The following ACE variants were observed in gnomAD, a reference collection of about 807,000 sequenced individuals.
The protein encoded by ACE is angiotensin-converting enzyme.
In ACE, 122 loss-of-function variants were observed where a neutral mutation model predicts 162.3. That is an observed-to-expected ratio of 0.75 (90% CI 0.65 to 0.87). ACE has a LOEUF of 0.87. Ranked by LOEUF, ACE falls within the 40% of genes least tolerant of loss-of-function variation. ACE has a pLI of 0.00. For synonymous variants in ACE, 796 were observed against 720.6 expected, an observed-to-expected ratio of 1.10 and a Z score of -1.68; for missense variants, 1,799 against 1,735.1, an observed-to-expected ratio of 1.04 and a Z score of -0.65.
In ACE at chr17:63,488,725, G is replaced by A. The variant is rs2030160089; in HGVS notation, c.2383G>A (p.Gly795Arg). Residue 795 changes from glycine to arginine, a missense_variant, in exon 16 of 25, where the codon GGG (glycine) becomes AGG (arginine). Transcript: ENST00000290866. ...ATGGGAGGGCTGGCGAGACAAGGCG[G>A]GGAGAGCCATCCTCCAGTTTTACCC... The part of the protein sequence containing the change: ...WAWEGWRDKA[G>R]RAILQFYPKY... 1 of 1,613,712 alleles carries A rather than the reference G, an allele frequency of 6.2e-7. No homozygotes were observed. Among genetic ancestry groups the A allele is most frequent in the South Asian group, 1.1e-5 (1 of 91,050 alleles).
intron 5 of ACE, 97 bp downstream of exon 5, chr17:63,480,625 C>G (rs904836892): frequency 7.6e-7 from 1 of 1,315,798 alleles, no homozygotes; most frequent in Non-Finnish European, 1.1e-6. Flanking sequence ...TGGGTTGTGA[C>G]CCTCACATCT....
At chr17:63,486,259 A>C (rs1490753519) in intron 13 of ACE, 3 of 479,212 alleles carry the variant, frequency 6.3e-6, no homozygotes, top group African/African-American at 3.9e-5. Flanking sequence ...CAGAAAGGCC[A>C]CAGAGCTAAT....
chr17:63,489,271 T>G, intron 17 of ACE, 139 bp downstream of exon 17: 2 of 1,047,376 alleles, frequency 1.9e-6, no homozygotes, highest in Admixed American at 2.3e-5. Context: ...TTGCCCAGGC[T>G]GGAGGGGGGT....
At chr17:63,485,406 A>G (rs1568040419) in intron 13 of ACE, 34 bp downstream of exon 13, 2 of 1,613,434 alleles carry the variant, frequency 1.2e-6, no homozygotes, top group Non-Finnish European at 1.7e-6. Context: ...AAACCTGAGC[A>G]TGTGCATACA....
At position 63,486,560 on chromosome 17, in the gene ACE, CAGA is replaced by C. The variant is rs1247014936; in HGVS notation, c.2067_2069del (p.Lys689del). ...CACCATCCCCCTGTGCCCTCAGCTG[CAGA>C]AGAACATGCAAATAGCCAACCACAC... On this transcript the variant is annotated inframe_deletion, in exon 14 of 25. Coordinates refer to ENST00000290866, the MANE Select transcript of ACE (RefSeq NM_000789.4). 3.1e-6 allele frequency: 5 copies of C among 1,614,162 alleles called. No individual in the cohort carries two copies. Among genetic ancestry groups the C allele is most frequent in the Non-Finnish European group, 4.2e-6 (5 of 1,180,020 alleles).
Position 63,477,962 on chromosome 17 carries a change from C to A in ACE, c.281C>A (p.Ala94Glu). 2 of 1,612,000 alleles carry A rather than the reference C, an allele frequency of 1.2e-6. No homozygotes were observed. The highest frequency in any genetic ancestry group is 1.1e-5 in the South Asian group (1 of 90,654). ...EEAALLSQEF[A>E]EAWGQKAKEL... The stretch of plus-strand genomic sequence containing the variant: ...GCAGCCCTGCTCAGCCAGGAGTTTG[C>A]GGAGGCCTGGGGCCAGAAGGCCAAG... The change falls in exon 2 of 25, where the codon GCG becomes GAG. Residue 94 changes from alanine to glutamate, a missense_variant. Physicochemically the swap from Ala to Glu is moderately radical, Grantham distance 107 (BLOSUM62 -1). Transcript: ENST00000290866.
intron 6 of ACE, 125 bp downstream of exon 6, chr17:63,481,313 G>A: frequency 1.0e-6 from 1 of 980,196 alleles, no homozygotes; most frequent in Non-Finnish European, 1.6e-6. Context: ...GTGTCTGTAG[G>A]AGCAGTGAGC....
At chr17:63,480,634 C>G in intron 5 of ACE, 106 bp downstream of exon 5, 12 of 1,206,120 alleles carry the variant, frequency 9.9e-6, no homozygotes, top group Non-Finnish European at 1.5e-5. Context: ...ACCCTCACAT[C>G]TCACATGTGT....
At chr17:63,487,133 G>T in intron 15 of ACE, 60 bp downstream of exon 15, 1 of 1,450,536 alleles carries the variant, frequency 6.9e-7, no homozygotes. Flanking sequence ...TGGGGCCCGG[G>T]GGTGCTGGGT....
chr17:63,492,814 G>A (rs2030468142), intron 19 of ACE, among the ~76,000 whole-genome samples: 1 of 152,138 alleles, frequency 6.6e-6, no homozygotes, highest in Non-Finnish European at 1.5e-5. Flanking sequence ...TTGAGCTCAG[G>A]GGTTCGAGAC....
rs1206653401 is a variant in ACE at position 63,491,390 on chromosome 17, A to G, written c.2912+9A>G. The G allele has an allele frequency of 6.2e-7, 1 of 1,614,032 alleles. No homozygotes were observed. The highest frequency in any genetic ancestry group is 2.2e-5 in the East Asian group (1 of 44,860). On this transcript the variant is annotated intron_variant, in intron 19 of 24. Transcript: ENST00000290866. This position sits in a 1 kb window ranked among gnomAD's most constrained non-coding sequence, Gnocchi z 4.4. The stretch of plus-strand genomic sequence containing the variant: ...AACGGCAAGGACTTCCGGTACATCC[A>G]GCTAGGGCTCAGGTCTCGTTCCTGA...
intron 7 of ACE, among the ~76,000 whole-genome samples, chr17:63,482,192 T>C (rs1055894649): frequency 1.3e-5 from 2 of 151,726 alleles, no homozygotes; most frequent in Admixed American, 6.6e-5. Flanking sequence ...TCCCAGCTAC[T>C]CAGGAGGCTG....
At chr17:63,478,227 C>A in intron 2 of ACE, 129 bp downstream of exon 2, 1 of 1,235,268 alleles carries the variant, frequency 8.1e-7, no homozygotes, top group Non-Finnish European at 1.1e-6. Flanking sequence ...AAGGGAAAGC[C>A]CAGGTAAGCA....
chr17:63,484,661 G>T lies in ACE; in HGVS notation c.1921+120G>T. ...GAGCCCTGGTACCCTGTCCTGGAGG[G>T]CCAGGCAGCCCCCCAAGCTCATCAG... On this transcript the variant is annotated intron_variant, in intron 12 of 24. Coordinates refer to ENST00000290866, the MANE Select transcript of ACE (RefSeq NM_000789.4). The surrounding 1 kb of genome is among the most constrained non-coding windows in gnomAD (Gnocchi z 4.0). 1.4e-6 allele frequency: 2 copies of T among 1,448,876 alleles called. No individual in the cohort carries two copies. Among genetic ancestry groups the T allele is most frequent in the Non-Finnish European group, 1.8e-6 (2 of 1,095,120 alleles). The allele number at this position is 1,448,876 out of a possible 1,614,324, so 89.8% of individuals were successfully genotyped here. A position where few individuals can be genotyped will look rare whatever the true frequency, so the allele number is the denominator to read the frequency against.
rs1599153991 is a variant in ACE at position 63,493,363 on chromosome 17, C to T, written c.2913-73C>T. 16 of 1,428,062 alleles carry T rather than the reference C, an allele frequency of 1.1e-5. No homozygotes were observed. In the East Asian group the frequency reaches 3.4e-4, roughly 30 times the overall value. 88.5% of individuals were successfully genotyped at this position (1,428,062 alleles called of 1,614,324 possible). A position where few individuals can be genotyped will look rare whatever the true frequency, so the allele number is the denominator to read the frequency against. Reference sequence around the variant, plus strand: ...GGGTCTGCCCTGGGTATAGCAAGGCCCACTGTTCCCTTATGCCCAGGGCTT... The same window carrying T: ...GGGTCTGCCCTGGGTATAGCAAGGCTCACTGTTCCCTTATGCCCAGGGCTT... On this transcript the variant is annotated intron_variant, in intron 19 of 24. Transcript: ENST00000290866.
At chr17:63,483,735 C>T in intron 10 of ACE, 114 bp from the exon 11 acceptor site, 1 of 1,579,952 alleles carries the variant, frequency 6.3e-7, no homozygotes, top group Admixed American at 1.7e-5. Context: ...CCTTCTCCCC[C>T]AAGATAGCTT....
chr17:63,479,388 C>G (rs1404729454), intron 3 of ACE, among the ~76,000 whole-genome samples: 3 of 152,182 alleles, frequency 2.0e-5, no homozygotes, highest in African/African-American at 4.8e-5. Flanking sequence ...CGTGGGTCCT[C>G]TCATGTTCCC....
rs555817390 is a variant in ACE, at chr17:63,497,599, AT to A, written c.*235del. 68 of 699,132 alleles carry A rather than the reference AT, an allele frequency of 9.7e-5. No individual in the cohort carries two copies. In the African/African-American group the frequency reaches 1.1e-3, roughly 11 times the overall value. The allele number at this position is 699,132 out of a possible 1,614,324, so 43.3% of individuals were successfully genotyped here. On this transcript the variant is annotated 3_prime_UTR_variant, in exon 25 of 25. Transcript: ENST00000290866. The stretch of plus-strand genomic sequence containing the variant: ...CTCTCCAAGTCTCTCTGTGAATACA[AT>A]TAAAGGTCCTGCCCTCCCCATCTGA...
chr17:63,496,363 C>A, intron 22 of ACE, 31 bp from the exon 23 acceptor site: 1 of 1,613,964 alleles, frequency 6.2e-7, no homozygotes, highest in Non-Finnish European at 8.5e-7. Context: ...CAACCAACTC[C>A]GCCCCGGGCC....
Sources: gnomAD v4.1 joint callset for allele counts (sites outside exome capture counted in the v4.1 genomes callset) on GRCh38, gnomAD v4.1.1 for gene constraint, Gnocchi (gnomAD v3.1) non-coding constraint, MANE v1.5 for transcripts, NCBI Gene and HGNC (gene_info 2026-07-23, HGNC 2026-07-21) for gene names.